MCF2L2: variants seen among roughly 807,000 people sequenced by gnomAD.
The protein encoded by MCF2L2 is probable guanine nucleotide exchange factor MCF2L2.
MCF2L2 carries 102 observed loss-of-function variants against 150.2 expected under a neutral mutation model. The observed-to-expected ratio is 0.68, with a 90% CI of 0.58 to 0.80. MCF2L2 has a LOEUF of 0.80. Ranked by LOEUF, MCF2L2 falls within the 30% of genes least tolerant of loss-of-function variation. The pLI is 0.00. For missense variants in MCF2L2, 1,256 were observed against 1,372.8 expected (o/e 0.91, Z 1.34); for synonymous variants, 465 against 491.3 (o/e 0.95, Z 0.71).
intron 15 of MCF2L2, among the ~76,000 whole-genome samples, chr3:183,239,363 G>T (rs993890378): frequency 1.3e-5 from 2 of 151,932 alleles, no homozygotes; most frequent in African/African-American, 4.8e-5. Context: ...AGGGTAGCAT[G>T]AAAACAGAGC....
At chr3:183,352,558 T>C (rs6443874) in intron 3 of MCF2L2, among the ~76,000 whole-genome samples, 17,056 of 152,148 alleles carry the variant, frequency 0.11, 1,562 homozygotes, top group African/African-American at 0.24. Flanking sequence ...GAGACTCTAA[T>C]GTTTTCTGTG....
intron 13 of MCF2L2, among the ~76,000 whole-genome samples, chr3:183,292,119 A>T (rs1040502419): frequency 2.0e-5 from 3 of 152,148 alleles, no homozygotes; most frequent in South Asian, 2.1e-4. Flanking sequence ...ATAAAAATTC[A>T]GGAAAGAAAT....
intron 1 of MCF2L2, among the ~76,000 whole-genome samples, chr3:183,403,717 T>G (rs914580191): frequency 6.6e-6 from 1 of 152,230 alleles, no homozygotes; most frequent in African/African-American, 2.4e-5. Flanking sequence ...CTGAAGCTTC[T>G]ACGGAAATAT....
chr3:183,356,331 G>A (rs1043859725), intron 3 of MCF2L2, among the ~76,000 whole-genome samples: 8 of 151,990 alleles, frequency 5.3e-5, no homozygotes, highest in African/African-American at 9.7e-5. Context: ...TGGCCAACAC[G>A]GTGAAACCCT....
chr3:183,221,347 C>A (rs929579364), intron 20 of MCF2L2, among the ~76,000 whole-genome samples: 2 of 152,212 alleles, frequency 1.3e-5, no homozygotes, highest in East Asian at 3.8e-4. Flanking sequence ...ATGCTCCCAA[C>A]AAGCATACCA....
intron 15 of MCF2L2, among the ~76,000 whole-genome samples, chr3:183,250,685 G>A (rs770100026): frequency 1.1e-4 from 17 of 152,212 alleles, no homozygotes; most frequent in Non-Finnish European, 2.1e-4. Flanking sequence ...AGAACACCAA[G>A]GAAGGCTGCG....
At chr3:183,318,610 C>G (rs1729691923) in intron 6 of MCF2L2, among the ~76,000 whole-genome samples, 1 of 152,164 alleles carries the variant, frequency 6.6e-6, no homozygotes, top group South Asian at 2.1e-4. Flanking sequence ...ACAATATGTA[C>G]TGTATATGTG....
Position 183,181,043 on chromosome 3 carries a change from C to T in MCF2L2, c.3017-884G>A, listed in dbSNP as rs776957504. Among the ~76,000 whole-genome samples the T allele has an allele frequency of 5.3e-5, 8 of 152,346 alleles. No individual in the cohort carries two copies. Among genetic ancestry groups the T allele is most frequent in the African/African-American group, 1.2e-4 (5 of 41,568 alleles). On this transcript the variant is annotated intron_variant, in intron 27 of 29. Transcript: ENST00000328913. The surrounding 1 kb of genome is among the most constrained non-coding windows in gnomAD (Gnocchi z 4.3). ...CCGAGGGTCAGCTGAGTAGTCTACGCGGCGGGAGCCGTGCTAGGAAAGTGT... is the reference window on the plus strand; with the variant it reads ...CCGAGGGTCAGCTGAGTAGTCTACGTGGCGGGAGCCGTGCTAGGAAAGTGT...
At chr3:183,329,302 C>G (rs112357895) in intron 5 of MCF2L2, among the ~76,000 whole-genome samples, 7,543 of 152,256 alleles carry the variant, frequency 0.05, 224 homozygotes, top group East Asian at 0.12. Context: ...ATTCTCCTGC[C>G]TCAGCCTCCA....
At chr3:183,230,137 G>C (rs115647040) in intron 16 of MCF2L2, among the ~76,000 whole-genome samples, 1 of 152,048 alleles carries the variant, frequency 6.6e-6, no homozygotes, top group South Asian at 2.1e-4. Flanking sequence ...ATATTGAGAC[G>C]AAGTTTTGCT....
intron 24 of MCF2L2, 71 bp from the exon 25 acceptor site, chr3:183,206,025 TGACCGTTA>T: frequency 2.6e-6 from 4 of 1,555,018 alleles, no homozygotes; most frequent in Non-Finnish European, 3.6e-6. Context: ...ATTCTCCCAG[TGACCGTTA>T]GACTAATGAG....
At chr3:183,249,066 G>A (rs1030014779) in intron 15 of MCF2L2, among the ~76,000 whole-genome samples, 15 of 152,220 alleles carry the variant, frequency 9.9e-5, no homozygotes, top group Non-Finnish European at 1.5e-4. Context: ...AGATAGCTGT[G>A]ACTAAACTAA....
At chr3:183,349,063 C>A (rs971720967) in intron 3 of MCF2L2, among the ~76,000 whole-genome samples, 4 of 152,110 alleles carry the variant, frequency 2.6e-5, no homozygotes, top group African/African-American at 9.7e-5. Context: ...CAAGATAGAC[C>A]ATTGTCTGGG....
chr3:183,255,491 T>C (rs910265960), intron 15 of MCF2L2, among the ~76,000 whole-genome samples: 1 of 152,208 alleles, frequency 6.6e-6, no homozygotes, highest in Non-Finnish European at 1.5e-5. Flanking sequence ...GCTCTGAGCA[T>C]TGACTGAGCA....
At chr3:183,192,140 A>T (rs1721918207) in intron 27 of MCF2L2, among the ~76,000 whole-genome samples, 2 of 125,890 alleles carry the variant, frequency 1.6e-5, no homozygotes, top group African/African-American at 3.1e-5. Context: ...TGAGTATTTT[A>T]TTTATTTATT....
intron 1 of MCF2L2, among the ~76,000 whole-genome samples, chr3:183,427,397 C>T (rs146970722): frequency 6.6e-6 from 1 of 152,334 alleles, no homozygotes; most frequent in Non-Finnish European, 1.5e-5. Flanking sequence ...ACCCTCCAGG[C>T]AGCACAGTAA....
At chr3:183,423,990 G>A (rs1033223887) in intron 1 of MCF2L2, among the ~76,000 whole-genome samples, 2 of 152,110 alleles carry the variant, frequency 1.3e-5, no homozygotes, top group African/African-American at 4.8e-5. Context: ...TATGTGCCCT[G>A]TCTATCAAAA....
At chr3:183,240,194 T>C (rs1332064964) in intron 15 of MCF2L2, among the ~76,000 whole-genome samples, 3 of 152,226 alleles carry the variant, frequency 2.0e-5, no homozygotes, top group Non-Finnish European at 4.4e-5. Flanking sequence ...AGATTTCTCT[T>C]CCACCAGTCT....
At chr3:183,222,548 A>C (rs1460973901) in intron 20 of MCF2L2, among the ~76,000 whole-genome samples, 1 of 151,998 alleles carries the variant, frequency 6.6e-6, no homozygotes, top group African/African-American at 2.4e-5. Context: ...CTCTGTCTCA[A>C]AAAAAAAGAA....
Sources: allele counts gnomAD v4.1 joint callset (sites outside exome capture counted in the v4.1 genomes callset), GRCh38; gene constraint gnomAD v4.1.1; non-coding constraint Gnocchi (gnomAD v3.1); transcripts MANE v1.5; gene names NCBI Gene and HGNC (gene_info 2026-07-23, HGNC 2026-07-21).